ZNF662: variants seen among roughly 807,000 people sequenced by gnomAD.
ZNF662 encodes the protein zinc finger protein 662.
A neutral mutation model predicts 12.4 loss-of-function variants in ZNF662; 14 were observed. The ratio of observed to expected loss-of-function variants is 1.13; its 90% CI spans 0.75 to 1.77. The LOEUF is 1.77. Among genes scored for constraint, ZNF662 ranks in the 40% most tolerant of loss-of-function variants. The pLI is 0.00. For synonymous variants in ZNF662, 184 were observed against 176.4 expected, an observed-to-expected ratio of 1.04 and a Z score of -0.34; for missense variants, 550 against 515.6, an observed-to-expected ratio of 1.07 and a Z score of -0.65.
intron 3 of ZNF662, among the ~76,000 whole-genome samples, chr3:42,910,498 C>T (rs899962147): frequency 6.6e-6 from 1 of 152,112 alleles, no homozygotes; most frequent in African/African-American, 2.4e-5. Flanking sequence ...TATCTTTGCC[C>T]CATGAGTTTC....
At position 42,909,055 on chromosome 3, in the gene ZNF662, C is replaced by T. The variant is rs983439083; in HGVS notation, c.151+146C>T. Reference sequence around the variant, plus strand: ...CTGTGTTCCCATAGTTTTATGTCTTCTTTTTTTAAAAAAATTTTTTTTAGT... The same window carrying T: ...CTGTGTTCCCATAGTTTTATGTCTTTTTTTTTTAAAAAAATTTTTTTTAGT... On this transcript the variant is annotated intron_variant, in intron 3 of 4. Coordinates refer to ENST00000440367, the MANE Select transcript of ZNF662 (RefSeq NM_207404.4). 12 of 537,776 alleles carry T rather than the reference C, an allele frequency of 2.2e-5. No individual in the cohort carries two copies. In the African/African-American group the frequency reaches 2.4e-4, roughly 11 times the overall value. 33.3% of individuals were successfully genotyped at this position (537,776 alleles called of 1,614,324 possible).
At chr3:42,908,225 T>C in intron 2 of ZNF662, 77 bp downstream of exon 2, 1 of 1,536,628 alleles carries the variant, frequency 6.5e-7, no homozygotes, top group South Asian at 1.3e-5. Flanking sequence ...GGCTCAGGAG[T>C]TGTTGATAAC....
intron 4 of ZNF662, 137 bp from the exon 5 acceptor site, chr3:42,914,190 G>T: frequency 1.4e-6 from 1 of 690,216 alleles, no homozygotes; most frequent in Non-Finnish European, 2.4e-6. Context: ...CCTTGTTTTT[G>T]CCATTTTCAG....
chr3:42,912,272 A>T (rs1207020762), intron 3 of ZNF662, among the ~76,000 whole-genome samples: 1 of 126,412 alleles, frequency 7.9e-6, no homozygotes, highest in African/African-American at 3.0e-5. Flanking sequence ...TATCTTATAT[A>T]TTATATATAA....
Position 42,913,202 on chromosome 3 carries a change from A to G in ZNF662, c.153A>G (p.Gly51=), listed in dbSNP as rs1248597437. ...TTATTTGTATCTTGACCCTGGCAGG[A>G]TATCCATTTCTAAAGCCTGCTGGGA... ...DGEAPRGISS[G]YPFLKPAGIS... The change falls in exon 4 of 5, where the codon GGA becomes GGG. Residue 51 remains glycine, a splice_region_variant and synonymous_variant. Coordinates refer to ENST00000440367, the MANE Select transcript of ZNF662 (RefSeq NM_207404.4). 6.2e-7 allele frequency: 1 copy of G among 1,612,868 alleles called. No homozygotes were observed. The highest frequency in any genetic ancestry group is 8.5e-7 in the Non-Finnish European group (1 of 1,179,052).
In ZNF662 at chr3:42,915,126, G is replaced by T. The variant is rs1405883608; in HGVS notation, c.1053G>T (p.Gln351His). ...FMWNSDLSQH[Q>H]RVHTGDKPHE... ...GGAACTCAGATCTTTCTCAGCACCA[G>T]AGGGTCCACACTGGGGACAAGCCTC... Residue 351 changes from glutamine (Q) to histidine (H), a missense_variant, in exon 5 of 5, where the codon CAG (glutamine) becomes CAT (histidine). Physicochemically the swap from Gln to His is conservative, Grantham distance 24. Transcript: ENST00000440367. The T allele has an allele frequency of 1.2e-6, 2 of 1,614,100 alleles. No homozygotes were observed. The highest frequency in any genetic ancestry group is 1.7e-6 in the Non-Finnish European group (2 of 1,180,058).
rs967603364 is a variant in ZNF662, at chr3:42,914,624, A to C, written c.551A>C (p.Lys184Thr). 4 of 1,614,224 alleles carry C rather than the reference A, an allele frequency of 2.5e-6. No homozygotes were observed. Among genetic ancestry groups the C allele is most frequent in the Non-Finnish European group, 3.4e-6 (4 of 1,180,044 alleles). ...AATAACCTCCTTGGTATACATCACA[A>C]AATTCTAAATGAGCAAATATTCTAT... ...DVNNLLGIHH[K>T]ILNEQIFYIC... The change falls in exon 5 of 5, where the codon AAA becomes ACA. Residue 184 changes from lysine (K) to threonine (T), a missense_variant. Lys to Thr is a moderately conservative substitution (Grantham distance 78). Transcript: ENST00000440367.
intron 1 of ZNF662, chr3:42,907,516 C>T (rs1214833952): frequency 9.3e-6 from 2 of 215,042 alleles, no homozygotes; most frequent in Non-Finnish European, 1.6e-5. Flanking sequence ...GTCAAACAGG[C>T]CTGGGTTCTG....
chr3:42,912,841 G>A (rs2088846716), intron 3 of ZNF662, among the ~76,000 whole-genome samples: 1 of 147,974 alleles, frequency 6.8e-6, no homozygotes, highest in Non-Finnish European at 1.5e-5. Flanking sequence ...CCGGGTTCAA[G>A]CGATTCTCCT....
chr3:42,908,190 G>A lies in ZNF662; in HGVS notation c.34+42G>A, dbSNP rs200137974. ...TTGGGCCCTGCCTCCACCCTTGAGA[G>A]TTTGCTGGCTCCTTTTTTCTCAAAG... On this transcript the variant is annotated intron_variant, in intron 2 of 4. Coordinates refer to ENST00000440367, the MANE Select transcript of ZNF662 (RefSeq NM_207404.4). 6.7e-5 allele frequency: 105 copies of A among 1,576,214 alleles called. No individual in the cohort carries two copies. The African/African-American group carries it at 1.3e-3, about 19-fold the overall frequency.
At chr3:42,912,662 A>ATTTTTT (rs1559381501) in intron 3 of ZNF662, among the ~76,000 whole-genome samples, 1 of 61,892 alleles carries the variant, frequency 1.6e-5, no homozygotes, top group Non-Finnish European at 3.1e-5. Flanking sequence ...AAATATATAT[A>ATTTTTT]TATATTTTTT....
In ZNF662 at chr3:42,918,087, C is replaced by G. The variant is rs1431629286; in HGVS notation, c.*2733C>G. On this transcript the variant is annotated 3_prime_UTR_variant, in exon 5 of 5. Coordinates refer to ENST00000440367, the MANE Select transcript of ZNF662 (RefSeq NM_207404.4). ...TGCCATTGCACTCCAGCCTGGGCAA[C>G]AAGAGTGAAACTCCATCTCAAAAAA... is the stretch of plus-strand genomic sequence containing the variant. Among the ~76,000 whole-genome samples the G allele has an allele frequency of 6.6e-6, 1 of 152,188 alleles. No individual in the cohort carries two copies. Among genetic ancestry groups the G allele is most frequent in the Non-Finnish European group, 1.5e-5 (1 of 68,024 alleles).
rs199600696 is a variant in ZNF662, at chr3:42,908,094, A to G, written c.-21A>G. 24 of 1,614,206 alleles carry G rather than the reference A, an allele frequency of 1.5e-5. No homozygotes were observed. The East Asian group carries it at 4.7e-4, about 31-fold the overall frequency. On this transcript the variant is annotated 5_prime_UTR_variant, in exon 2 of 5. Coordinates refer to ENST00000440367, the MANE Select transcript of ZNF662 (RefSeq NM_207404.4). ...ATGGATCGGCCTGGGCCCTGCTCAG[A>G]GAGCCCTGTACAGGGATGTGATGCT... is the stretch of plus-strand genomic sequence containing the variant.
intron 1 of ZNF662, chr3:42,907,643 G>A (rs892745810): frequency 1.0e-6 from 1 of 974,596 alleles, no homozygotes; most frequent in African/African-American, 1.8e-5. Flanking sequence ...CAAGTGCTTG[G>A]CACAGGCTTA....
chr3:42,912,640 T>TTA (rs1344357774), intron 3 of ZNF662, among the ~76,000 whole-genome samples: 13 of 96,044 alleles, frequency 1.4e-4, no homozygotes, highest in Admixed American at 3.1e-4. Flanking sequence ...TTTATATATT[T>TTA]TATATATATA....
intron 2 of ZNF662, chr3:42,908,503 T>C: frequency 8.1e-7 from 1 of 1,241,922 alleles, no homozygotes; most frequent in Non-Finnish European, 1.0e-6. Context: ...TGTCTGAACT[T>C]GAGAGCTCTA....
chr3:42,910,648 A>C (rs971088848), intron 3 of ZNF662, among the ~76,000 whole-genome samples: 2 of 152,166 alleles, frequency 1.3e-5, no homozygotes, highest in African/African-American at 2.4e-5. Flanking sequence ...CCTCAGGGGA[A>C]AACCCTGGGA....
chr3:42,906,208 G>A lies in ZNF662; in HGVS notation c.-94+40G>A. 1.5e-6 allele frequency: 1 copy of A among 676,770 alleles called. No homozygotes were observed. Among genetic ancestry groups the A allele is most frequent in the Non-Finnish European group, 2.3e-6 (1 of 427,216 alleles). The allele number at this position is 676,770 out of a possible 1,614,324, so 41.9% of individuals were successfully genotyped here. A position where few individuals can be genotyped will look rare whatever the true frequency, so the allele number is the denominator to read the frequency against. On this transcript the variant is annotated intron_variant, in intron 1 of 4. Transcript: ENST00000440367. This position sits in a 1 kb window ranked among gnomAD's most constrained non-coding sequence, Gnocchi z 4.4. ...GAGTCGGGCGTGGGGCGGGCAGGGA[G>A]TGGAGTCGGGGTCTTACTCCGGTGG...
chr3:42,913,910 C>G (rs1321430909), intron 4 of ZNF662, among the ~76,000 whole-genome samples: 1 of 152,042 alleles, frequency 6.6e-6, no homozygotes, highest in Non-Finnish European at 1.5e-5. Context: ...TTGCTACTGT[C>G]TGCTGCATGT....
Sources: allele counts gnomAD v4.1 joint callset (sites outside exome capture counted in the v4.1 genomes callset), GRCh38; gene constraint gnomAD v4.1.1; non-coding constraint Gnocchi (gnomAD v3.1); transcripts MANE v1.5; gene names NCBI Gene and HGNC (gene_info 2026-07-23, HGNC 2026-07-21).